The following RHEBL1 variants were observed in gnomAD, a reference collection of about 807,000 sequenced individuals.
RHEBL1 encodes the protein GTPase RhebL1.
In RHEBL1, 22 loss-of-function variants were observed where a neutral mutation model predicts 27.4. That is an observed-to-expected ratio of 0.80 (90% CI 0.57 to 1.15). RHEBL1 has a LOEUF of 1.15. RHEBL1 is among the 50% of genes most tolerant of loss of function. The pLI, the probability that RHEBL1 is intolerant of heterozygous loss-of-function variation, is 0.00. For missense variants in RHEBL1, 186 were observed against 226.5 expected, an observed-to-expected ratio of 0.82 and a Z score of 1.15; for synonymous variants, 85 against 80.8, an observed-to-expected ratio of 1.05 and a Z score of -0.28.
intron 2 of RHEBL1, 49 bp from the exon 3 acceptor site, chr12:49,067,084 A>C: frequency 1.0e-6 from 1 of 1,000,172 alleles, no homozygotes; most frequent in Non-Finnish European, 1.5e-6. Context: ...AGGACCAGCG[A>C]TGTATGTCCC....
At position 49,069,054 on chromosome 12, in the gene RHEBL1, G is replaced by A. The variant is rs1592178342; in HGVS notation, c.105C>T (p.Tyr35=). 2 of 1,614,024 alleles carry A rather than the reference G, an allele frequency of 1.2e-6. No homozygotes were observed. Among genetic ancestry groups the A allele is most frequent in the Non-Finnish European group, 8.5e-7 (1 of 1,179,928 alleles). The change falls in exon 2 of 8, where the codon TAC becomes TAT. Residue 35 remains tyrosine, a synonymous_variant. Transcript: ENST00000301068. ...ACTCACTATTCTCCACTGTAGGATCGTAGCCTTCCGAGAACTCGCCTTCCA... is the reference window on the plus strand; with the variant it reads ...ACTCACTATTCTCCACTGTAGGATCATAGCCTTCCGAGAACTCGCCTTCCA... ...QFVEGEFSEG[Y]DPTVENTYSK...
At chr12:49,066,014 T>C (rs1222483853) in intron 6 of RHEBL1, among the ~76,000 whole-genome samples, 1 of 152,028 alleles carries the variant, frequency 6.6e-6, no homozygotes, top group Non-Finnish European at 1.5e-5. Context: ...GGAGAAAATA[T>C]AGGTAAACAA....
Position 49,066,453 on chromosome 12 carries a change from C to T in RHEBL1, c.332+23G>A, listed in dbSNP as rs200725647. ...CCACCCCCTCATGCCCACACTATGT[C>T]CCTATCCCCCAGGGCCACTTACCGG... On this transcript the variant is annotated intron_variant, in intron 5 of 7. Coordinates refer to ENST00000301068, the MANE Select transcript of RHEBL1 (RefSeq NM_144593.3). The T allele has an allele frequency of 4.3e-6, 7 of 1,611,430 alleles. No homozygotes were observed. In the East Asian group the frequency reaches 6.7e-5, roughly 15 times the overall value.
intron 5 of RHEBL1, 93 bp downstream of exon 5, chr12:49,066,383 T>C: frequency 6.5e-7 from 1 of 1,538,844 alleles, no homozygotes; most frequent in Non-Finnish European, 9.0e-7. Context: ...AGGATCTATA[T>C]CCGAGCCTCC....
chr12:49,068,925 C>T, intron 2 of RHEBL1, 110 bp downstream of exon 2: 2 of 1,145,646 alleles, frequency 1.7e-6, no homozygotes, highest in Non-Finnish European at 2.5e-6. Context: ...GATGTAATGT[C>T]TAAATAAATC....
intron 5 of RHEBL1, 39 bp from the exon 6 acceptor site, chr12:49,066,317 C>G (rs1228958130): frequency 1.3e-6 from 2 of 1,599,326 alleles, no homozygotes; most frequent in Middle Eastern, 1.7e-4. Context: ...TCCCCTCATT[C>G]CCCGCATTCC....
chr12:49,066,574 C>T lies in RHEBL1; in HGVS notation c.276-42G>A, dbSNP rs1174384057. ...TGGAGCTATAACTTTATGAGACAGTCCTCAGGTTCTCCCAAGTCCCGCACT... is the reference window on the plus strand; with the variant it reads ...TGGAGCTATAACTTTATGAGACAGTTCTCAGGTTCTCCCAAGTCCCGCACT... On this transcript the variant is annotated intron_variant, in intron 4 of 7. Transcript: ENST00000301068. 6 of 1,613,576 alleles carry T rather than the reference C, an allele frequency of 3.7e-6. No individual in the cohort carries two copies. In the South Asian group the frequency reaches 6.6e-5, roughly 18 times the overall value.
At position 49,065,191 on chromosome 12, in the gene RHEBL1, A is replaced by G; in HGVS notation, c.464T>C (p.Leu155Pro). 2 of 1,612,720 alleles carry G rather than the reference A, an allele frequency of 1.2e-6. No individual in the cohort carries two copies. Among genetic ancestry groups the G allele is most frequent in the African/African-American group, 1.3e-5 (1 of 75,042 alleles). Residue 155 changes from leucine to proline, a missense_variant and splice_region_variant, in exon 8 of 8, where the codon CTG becomes CCG. Coordinates refer to ENST00000301068, the MANE Select transcript of RHEBL1 (RefSeq NM_144593.3). ...FMESSARENQ[L>P]TQGIFTKVIQ... Reference sequence around the variant, plus strand: ...GACTTTGGTGAAGATGCCTTGAGTCAGCTATAAGAGGAGAGGATTCAGGGC... The same window carrying G: ...GACTTTGGTGAAGATGCCTTGAGTCGGCTATAAGAGGAGAGGATTCAGGGC...
rs35940373 is a variant in RHEBL1, at chr12:49,065,923, T to TA, written c.380+307dup. On this transcript the variant is annotated intron_variant, in intron 6 of 7. Transcript: ENST00000301068. ...CTGGGCAACAGAGCAAGACTCCGTC[T>TA]AAAAAAAAAAAAAATAGAGAAGAAA... Among the ~76,000 whole-genome samples, 62 of 143,086 alleles carry TA rather than the reference T, an allele frequency of 4.3e-4. 1 individual carries two copies. Among genetic ancestry groups the TA allele is most frequent in the South Asian group, 1.3e-3 (6 of 4,584 alleles). The allele number at this position is 143,086 out of a possible 152,430, so 93.9% of individuals were successfully genotyped here. A position where few individuals can be genotyped will look rare whatever the true frequency, so the allele number is the denominator to read the frequency against.
intron 2 of RHEBL1, among the ~76,000 whole-genome samples, chr12:49,067,913 A>G (rs1352520675): frequency 6.6e-6 from 1 of 152,228 alleles, no homozygotes; most frequent in African/African-American, 2.4e-5. Context: ...TGGAATATTC[A>G]TCACCTTAAA....
chr12:49,067,094 C>T (rs1939010466), intron 2 of RHEBL1, 59 bp from the exon 3 acceptor site: 4 of 1,110,084 alleles, frequency 3.6e-6, no homozygotes, highest in Non-Finnish European at 1.3e-6. Context: ...ATGTATGTCC[C>T]CTGACTTTTT....
intron 2 of RHEBL1, 64 bp from the exon 3 acceptor site, chr12:49,067,099 C>CTTTTTT: frequency 8.5e-6 from 5 of 587,484 alleles, no homozygotes; most frequent in Non-Finnish European, 1.1e-5. Flanking sequence ...TGTCCCCTGA[C>CTTTTTT]TTTTTTTTTT....
At chr12:49,069,295 AC>A (rs1939048908) in intron 1 of RHEBL1, 189 bp from the exon 2 acceptor site, 2 of 949,106 alleles carry the variant, frequency 2.1e-6, no homozygotes, top group Non-Finnish European at 3.1e-6. Flanking sequence ...CACTTTGGCT[AC>A]CGGATGCATT....
At chr12:49,067,709 G>A (rs1939019862) in intron 2 of RHEBL1, among the ~76,000 whole-genome samples, 1 of 152,164 alleles carries the variant, frequency 6.6e-6, no homozygotes, top group South Asian at 2.1e-4. Flanking sequence ...GAACCCAGGA[G>A]GTGGAGGTTG....
Position 49,064,825 on chromosome 12 carries a change from C to T in RHEBL1, c.*278G>A. ...GGTCCTGGATAAATAATGCCCAGGA[C>T]TCATATCCTGACCCCATAGGTTATA... On this transcript the variant is annotated 3_prime_UTR_variant, in exon 8 of 8. Coordinates refer to ENST00000301068, the MANE Select transcript of RHEBL1 (RefSeq NM_144593.3). The T allele has an allele frequency of 2.3e-6, 1 of 442,318 alleles. No individual in the cohort carries two copies. The allele number at this position is 442,318 out of a possible 1,614,324, so 27.4% of individuals were successfully genotyped here.
intron 2 of RHEBL1, 64 bp from the exon 3 acceptor site, chr12:49,067,099 CT>C (rs10715716): frequency 0.31 from 181,808 of 582,910 alleles, 5,914 homozygotes; most frequent in African/African-American, 0.35. Context: ...TGTCCCCTGA[CT>C]TTTTTTTTTT....
At chr12:49,068,622 G>C (rs1939036852) in intron 2 of RHEBL1, among the ~76,000 whole-genome samples, 1 of 151,922 alleles carries the variant, frequency 6.6e-6, no homozygotes, top group African/African-American at 2.4e-5. Context: ...TTTTAGTAGA[G>C]ATGAGGTTTC....
chr12:49,066,389 C>T, intron 5 of RHEBL1, 87 bp downstream of exon 5: 1 of 1,548,950 alleles, frequency 6.5e-7, no homozygotes, highest in South Asian at 1.1e-5. Flanking sequence ...TATATCCGAG[C>T]CTCCTCTCTA....
chr12:49,069,931 A>C lies in RHEBL1; in HGVS notation c.-146T>G. On this transcript the variant is annotated 5_prime_UTR_variant, in exon 1 of 8. Coordinates refer to ENST00000301068, the MANE Select transcript of RHEBL1 (RefSeq NM_144593.3). ...GGCAAGTTAGAAGGAAACCAAAACA[A>C]GCGCCGCGCCCGGAGCTGCCCACGT... 8.0e-5 allele frequency: 54 copies of C among 675,978 alleles called. No individual in the cohort carries two copies. Among genetic ancestry groups the C allele is most frequent in the East Asian group, 1.4e-4 (5 of 35,960 alleles). 41.9% of individuals were successfully genotyped at this position (675,978 alleles called of 1,614,324 possible).
Sources: gnomAD v4.1 joint callset for allele counts (sites outside exome capture counted in the v4.1 genomes callset) on GRCh38, gnomAD v4.1.1 for gene constraint, MANE v1.5 for transcripts, NCBI Gene and HGNC (gene_info 2026-07-23, HGNC 2026-07-21) for gene names.